Variants in PDE10A observed in about 807,000 individuals in gnomAD.
PDE10A encodes the protein phosphodiesterase 10A.
PDE10A carries 39 observed loss-of-function variants against 97.7 expected under a neutral mutation model. That is an observed-to-expected ratio of 0.40 (90% confidence interval 0.31 to 0.52). The LOEUF (loss-of-function observed/expected upper bound fraction) is 0.52. Among genes scored for constraint, PDE10A ranks in the 20% least tolerant of loss-of-function variants. The probability of loss-of-function intolerance (pLI) is 0.56; values close to 1 mark genes in which losing one functional copy is unlikely to be tolerated. For missense variants in PDE10A, 731 were observed against 1,047.8 expected (o/e 0.70, Z 4.17); for synonymous variants, 371 against 376.8 (o/e 0.98, Z 0.18).
chr6:165,475,075 C>A (rs551408733), intron 3 of PDE10A, among the ~76,000 whole-genome samples: 1 of 152,250 alleles, frequency 6.6e-6, no homozygotes, highest in East Asian at 1.9e-4. Context: ...CTGCTGCTGA[C>A]CAATTCCTTC....
intron 1 of PDE10A, among the ~76,000 whole-genome samples, chr6:165,972,921 A>C (rs1378677975): frequency 6.6e-6 from 1 of 151,946 alleles, no homozygotes; most frequent in Non-Finnish European, 1.5e-5. Context: ...CCTGTACAAC[A>C]CCAGCTCATT....
chr6:165,379,168 TC>T (rs777671993), intron 18 of PDE10A, 25 bp downstream of exon 18: 6 of 1,518,764 alleles, frequency 4.0e-6, no homozygotes, highest in Non-Finnish European at 5.4e-6. Context: ...TTTCTGGGCT[TC>T]TAAGCTTTTA....
At chr6:165,425,148 A>G (rs1789023196) in intron 10 of PDE10A, among the ~76,000 whole-genome samples, 1 of 152,208 alleles carries the variant, frequency 6.6e-6, no homozygotes, top group African/African-American at 2.4e-5. Flanking sequence ...ATAAATCACT[A>G]TCTTGAAAAC....
rs143699693 is a variant in PDE10A at position 165,862,666 on chromosome 6, A to G, written c.-615+124863T>C. Among the ~76,000 whole-genome samples the G allele has an allele frequency of 2.0e-3, 260 of 128,428 alleles. 1 individual carries two copies. Among genetic ancestry groups the G allele is most frequent in the African/African-American group, 7.3e-3 (241 of 32,836 alleles). The allele number at this position is 128,428 out of a possible 152,430, so 84.3% of individuals were successfully genotyped here. ...AACACTGAGTTAGAACCTCAACAGAAGCAGTCGTCCTTTTTTTTTTTTTTT... is the reference window on the plus strand; with the variant it reads ...AACACTGAGTTAGAACCTCAACAGAGGCAGTCGTCCTTTTTTTTTTTTTTT... On this transcript the variant is annotated intron_variant, in intron 1 of 19. Transcript: ENST00000366882.
chr6:165,474,707 G>A (rs1436194095), intron 3 of PDE10A, among the ~76,000 whole-genome samples: 1 of 151,942 alleles, frequency 6.6e-6, no homozygotes, highest in African/African-American at 2.4e-5. Flanking sequence ...GCAACTTCTT[G>A]TTAGGCTAAA....
rs2128436341 is a variant in PDE10A, at chr6:165,671,112, C to T, written c.-614-127544G>A. On this transcript the variant is annotated intron_variant, in intron 1 of 19. Coordinates refer to the PDE10A transcript ENST00000366882. This position sits in a 1 kb window ranked among gnomAD's most constrained non-coding sequence, Gnocchi z 4.6. ...TTTCAACATATCAATGTTAGAATCA[C>T]CCTTTTTGGGTAAAACGTTCACTAA... Among the ~76,000 whole-genome samples, 1 of 149,914 alleles carries T rather than the reference C, an allele frequency of 6.7e-6. No individual in the cohort carries two copies. Among genetic ancestry groups the T allele is most frequent in the Non-Finnish European group, 1.5e-5 (1 of 67,504 alleles).
At chr6:165,576,416 T>C (rs1785307919) in intron 1 of PDE10A, 1 of 780,976 alleles carries the variant, frequency 1.3e-6, no homozygotes, top group Non-Finnish European at 2.4e-6. Flanking sequence ...ACTCACCTGT[T>C]AAATGTTGGG....
chr6:165,658,828 G>A (rs1290412180), intron 1 of PDE10A, among the ~76,000 whole-genome samples: 2 of 152,190 alleles, frequency 1.3e-5, no homozygotes, highest in African/African-American at 4.8e-5. Context: ...CAGATGGCAG[G>A]AGATGAGGTG....
At chr6:165,647,672 G>C (rs1789469244) in intron 1 of PDE10A, among the ~76,000 whole-genome samples, 1 of 152,110 alleles carries the variant, frequency 6.6e-6, no homozygotes, top group Admixed American at 6.5e-5. Flanking sequence ...TGAACTTCCT[G>C]CAACTACAAA....
chr6:165,518,319 A>C (rs991201235), intron 2 of PDE10A, among the ~76,000 whole-genome samples: 3 of 152,222 alleles, frequency 2.0e-5, no homozygotes, highest in Non-Finnish European at 4.4e-5. Context: ...GCAGTTACCC[A>C]CAGTCAACCA....
intron 1 of PDE10A, among the ~76,000 whole-genome samples, chr6:165,592,333 AAAACCATAC>A (rs201415832): frequency 0.015 from 2,343 of 152,344 alleles, 58 homozygotes; most frequent in African/African-American, 0.054. Flanking sequence ...AGTAAGACCT[AAAACCATAC>A]AAACCCTAGA....
chr6:165,692,672 C>A (rs575314278), intron 1 of PDE10A, among the ~76,000 whole-genome samples: 2 of 152,210 alleles, frequency 1.3e-5, no homozygotes, highest in African/African-American at 4.8e-5. Context: ...TCGGCAGTAA[C>A]GCATGCTGTA....
intron 10 of PDE10A, among the ~76,000 whole-genome samples, chr6:165,422,487 C>CTA (rs1788794427): frequency 1.6e-5 from 2 of 127,314 alleles, no homozygotes; most frequent in African/African-American, 5.8e-5. Flanking sequence ...GCATACACAC[C>CTA]TATGCATACG....
chr6:165,684,495 G>T (rs1470341076), intron 1 of PDE10A, among the ~76,000 whole-genome samples: 1 of 152,224 alleles, frequency 6.6e-6, no homozygotes, highest in Non-Finnish European at 1.5e-5. Flanking sequence ...GCAAGCTATG[G>T]TCGCGGCTGC....
chr6:165,384,339 C>A (rs374854134), intron 17 of PDE10A, among the ~76,000 whole-genome samples: 2 of 143,382 alleles, frequency 1.4e-5, no homozygotes, highest in East Asian at 4.2e-4. Flanking sequence ...GCTAAATGTC[C>A]ACCATGAGCT....
chr6:165,672,453 T>C (rs368410529), intron 1 of PDE10A, among the ~76,000 whole-genome samples: 25 of 152,346 alleles, frequency 1.6e-4, no homozygotes, highest in African/African-American at 5.8e-4. Context: ...ATGTAACTTA[T>C]TGAATACTGT....
chr6:165,336,750 C>T (rs1461193118), intron 20 of PDE10A, among the ~76,000 whole-genome samples: 2 of 128,214 alleles, frequency 1.6e-5, no homozygotes, highest in East Asian at 2.2e-4. Flanking sequence ...AGCGAGACTC[C>T]GTCTCAAAAA....
intron 1 of PDE10A, among the ~76,000 whole-genome samples, chr6:165,767,551 C>T (rs1381769450): frequency 1.3e-5 from 2 of 152,218 alleles, no homozygotes; most frequent in African/African-American, 2.4e-5. Context: ...GTGTGGACCT[C>T]TTTGACTGGC....
chr6:165,370,498 G>A (rs1364008594), intron 18 of PDE10A, among the ~76,000 whole-genome samples: 2 of 148,948 alleles, frequency 1.3e-5, no homozygotes, highest in African/African-American at 2.5e-5. Flanking sequence ...TTACATAATG[G>A]TAAAGGGATC....
Sources: gnomAD v4.1 joint callset for allele counts (sites outside exome capture counted in the v4.1 genomes callset) on GRCh38, gnomAD v4.1.1 for gene constraint, Gnocchi (gnomAD v3.1) non-coding constraint, MANE v1.5 for transcripts, NCBI Gene and HGNC (gene_info 2026-07-23, HGNC 2026-07-21) for gene names.